The following LAG3 variants were observed in gnomAD, a reference collection of about 807,000 sequenced individuals.
LAG3 encodes the protein lymphocyte activating 3, also known as lymphocyte activation gene 3 protein.
LAG3 carries 29 observed loss-of-function variants against 49.0 expected under a neutral mutation model. That is an observed-to-expected ratio of 0.59 (90% CI 0.44 to 0.81). The LOEUF (loss-of-function observed/expected upper bound fraction) is 0.81, where lower values mean the gene tolerates loss of function less well. Among genes scored for constraint, LAG3 ranks in the 30% least tolerant of loss-of-function variants. LAG3 has a pLI of 0.00. For missense variants in LAG3, 693 were observed against 695.2 expected (o/e 1.00, Z 0.04); for synonymous variants, 320 against 297.3 (o/e 1.08, Z -0.79).
chr12:6,775,218 A>G, intron 4 of LAG3, 55 bp from the exon 5 acceptor site: 1 of 1,558,038 alleles, frequency 6.4e-7, no homozygotes, highest in Non-Finnish European at 8.7e-7. Flanking sequence ...CAGCCCCAGC[A>G]CTCCCTCCCC....
intron 3 of LAG3, among the ~76,000 whole-genome samples, chr12:6,774,348 C>G (rs895427557): frequency 3.3e-5 from 5 of 152,170 alleles, no homozygotes; most frequent in African/African-American, 1.2e-4. Flanking sequence ...GCCAGGAAAA[C>G]GGCAAGGGTG....
Position 6,772,688 on chromosome 12 carries a change from C to T in LAG3, c.-165C>T. The T allele has an allele frequency of 1.7e-6, 1 of 589,290 alleles. No homozygotes were observed. Among genetic ancestry groups the T allele is most frequent in the Non-Finnish European group, 3.0e-6 (1 of 334,424 alleles). 36.5% of individuals were successfully genotyped at this position (589,290 alleles called of 1,614,324 possible). ...GATTCCGGCCTCTGGTCATCCCTCC[C>T]CACCCTCTCTCCAAGGCCCTCTCCT... On this transcript the variant is annotated 5_prime_UTR_variant, in exon 1 of 8. Transcript: ENST00000203629.
rs139612976 is a variant in LAG3 at position 6,773,223 on chromosome 12, G to A, written c.90G>A (p.Pro30=). 6.2e-6 allele frequency: 10 copies of A among 1,612,166 alleles called. No individual in the cohort carries two copies. Among genetic ancestry groups the A allele is most frequent in the African/African-American group, 2.7e-5 (2 of 74,760 alleles). The part of the protein sequence containing the change: ...VKPLQPGAEV[P]VVWAQEGAPA... ...CTCTCCAGCCAGGGGCTGAGGTCCCGGTGGTGTGGGCCCAGGAGGGGGCTC... is the reference window on the plus strand; with the variant it reads ...CTCTCCAGCCAGGGGCTGAGGTCCCAGTGGTGTGGGCCCAGGAGGGGGCTC... The change falls in exon 2 of 8, where the codon CCG becomes CCA. Residue 30 remains proline, a synonymous_variant. Coordinates refer to ENST00000203629, the MANE Select transcript of LAG3 (RefSeq NM_002286.6). This position sits in a 1 kb window ranked among gnomAD's most constrained non-coding sequence, Gnocchi z 5.5.
At chr12:6,775,569 G>T (rs369588425) in intron 5 of LAG3, 21 bp downstream of exon 5, 6 of 1,611,604 alleles carry the variant, frequency 3.7e-6, no homozygotes, top group Non-Finnish European at 5.1e-6. Flanking sequence ...GGTGGGAAAG[G>T]AGTAGCTGCC....
chr12:6,773,223 G>C lies in LAG3; in HGVS notation c.90G>C (p.Pro30=). The change falls in exon 2 of 8, where the codon CCG becomes CCC. Residue 30 remains proline (P), a synonymous_variant. Coordinates refer to ENST00000203629, the MANE Select transcript of LAG3 (RefSeq NM_002286.6). The surrounding 1 kb of genome is among the most constrained non-coding windows in gnomAD (Gnocchi z 5.5). Reference sequence around the variant, plus strand: ...CTCTCCAGCCAGGGGCTGAGGTCCCGGTGGTGTGGGCCCAGGAGGGGGCTC... The same window carrying C: ...CTCTCCAGCCAGGGGCTGAGGTCCCCGTGGTGTGGGCCCAGGAGGGGGCTC... ...VKPLQPGAEV[P]VVWAQEGAPA... is the part of the protein sequence containing the mutation. The C allele has an allele frequency of 6.2e-6, 10 of 1,612,282 alleles. No homozygotes were observed. Among genetic ancestry groups the C allele is most frequent in the East Asian group, 2.2e-5 (1 of 44,830 alleles).
rs1340797126 is a variant in LAG3, at chr12:6,775,297, C to T, written c.806C>T (p.Thr269Ile). The change falls in exon 5 of 8, where the codon ACA (threonine) becomes ATA (isoleucine). Residue 269 changes from threonine to isoleucine, a missense_variant. By Grantham distance (89) the Thr-to-Ile change is moderately conservative (BLOSUM62 -1). Transcript: ENST00000203629. ...VLGLEPPTPL[T>I]VYAGAGSRVG... ...GGTCTGGAGCCCCCAACTCCCTTGA[C>T]AGTGTACGCTGGAGCAGGTTCCAGG... The T allele has an allele frequency of 1.2e-6, 2 of 1,614,056 alleles. No individual in the cohort carries two copies. Among genetic ancestry groups the T allele is most frequent in the African/African-American group, 2.7e-5 (2 of 74,936 alleles).
intron 5 of LAG3, 142 bp downstream of exon 5, chr12:6,775,690 C>G: frequency 1.3e-6 from 1 of 753,206 alleles, no homozygotes; most frequent in Non-Finnish European, 2.1e-6. Flanking sequence ...CCCATCTCGG[C>G]CCCCACTTTT....
chr12:6,773,862 G>A lies in LAG3; in HGVS notation c.372G>A (p.Glu124=), dbSNP rs1478531989. Reference sequence around the variant, plus strand: ...TGCAGCCCCGCGTCCAGCTGGATGAGCGCGGCCGGCAGCGCGGGGACTTCT... The same window carrying A: ...TGCAGCCCCGCGTCCAGCTGGATGAACGCGGCCGGCAGCGCGGGGACTTCT... ...LPLQPRVQLD[E]RGRQRGDFSL... is the part of the protein sequence containing the mutation. The change falls in exon 3 of 8, where the codon GAG becomes GAA. Residue 124 remains glutamate (E), a synonymous_variant. Coordinates refer to ENST00000203629, the MANE Select transcript of LAG3 (RefSeq NM_002286.6). This position sits in a 1 kb window ranked among gnomAD's most constrained non-coding sequence, Gnocchi z 5.5. 1.1e-5 allele frequency: 15 copies of A among 1,404,184 alleles called. No homozygotes were observed. Among genetic ancestry groups the A allele is most frequent in the Non-Finnish European group, 1.4e-5 (15 of 1,086,980 alleles). The allele number at this position is 1,404,184 out of a possible 1,614,324, so 87.0% of individuals were successfully genotyped here.
intron 7 of LAG3, 44 bp from the exon 8 acceptor site, chr12:6,778,200 C>T: frequency 6.5e-7 from 1 of 1,529,960 alleles, no homozygotes; most frequent in Non-Finnish European, 8.9e-7. Flanking sequence ...CTTCATCCTT[C>T]TCCTCCTTCC....
chr12:6,774,703 G>T lies in LAG3; in HGVS notation c.620G>T (p.Gly207Val), dbSNP rs900193375. 1 of 1,614,134 alleles carries T rather than the reference G, an allele frequency of 6.2e-7. No individual in the cohort carries two copies. The highest frequency in any genetic ancestry group is 8.5e-7 in the Non-Finnish European group (1 of 1,180,018). The change falls in exon 4 of 8, where the codon GGC becomes GTC. Residue 207 changes from glycine (G) to valine (V), a missense_variant. Gly to Val is a moderately radical substitution (Grantham distance 109, BLOSUM62 -3). Transcript: ENST00000203629. ...TCTGTGCATTGGTTCCGGAACCGGGGCCAGGGCCGAGTCCCTGTCCGGGAG... is the reference window on the plus strand; with the variant it reads ...TCTGTGCATTGGTTCCGGAACCGGGTCCAGGGCCGAGTCCCTGTCCGGGAG... ...PASVHWFRNR[G>V]QGRVPVRESP...
chr12:6,775,232 G>A (rs779021523), intron 4 of LAG3, 41 bp from the exon 5 acceptor site: 2 of 1,591,004 alleles, frequency 1.3e-6, no homozygotes, highest in Admixed American at 1.7e-5. Flanking sequence ...CCTCCCCACT[G>A]CAGCACCCAG....
Position 6,777,423 on chromosome 12 carries a change from T to C in LAG3, c.1217T>C (p.Leu406Pro). The change falls in exon 6 of 8, where the codon CTT (leucine) becomes CCT (proline). Residue 406 changes from leucine (L) to proline (P), a missense_variant. Coordinates refer to ENST00000203629, the MANE Select transcript of LAG3 (RefSeq NM_002286.6). ...CTGGAGGCACAGGAGGCCCAGCTCC[T>C]TTCCCAGCCTTGGCAATGCCAGCTG... ...PWLEAQEAQL[L>P]SQPWQCQLYQ... The C allele has an allele frequency of 6.2e-7, 1 of 1,614,200 alleles. No individual in the cohort carries two copies. The highest frequency in any genetic ancestry group is 8.5e-7 in the Non-Finnish European group (1 of 1,180,024).
rs766111379 is a variant in LAG3 at position 6,775,568 on chromosome 12, G to A, written c.1057+20G>A. ...TCACAGGTCAGCCTCAGGTGGGAAA[G>A]GAGTAGCTGCCCTCCCAGGGTAGAA... On this transcript the variant is annotated intron_variant, in intron 5 of 7. Transcript: ENST00000203629. 1.8e-5 allele frequency: 29 copies of A among 1,611,772 alleles called. No individual in the cohort carries two copies. In the Admixed American group the frequency reaches 3.2e-4, roughly 18 times the overall value.
At position 6,773,593 on chromosome 12, in the gene LAG3, AGAACTCTTGGGGC is replaced by A. The variant is rs1941867636; in HGVS notation, c.207-102_207-90del. 1.5e-6 allele frequency: 2 copies of A among 1,305,562 alleles called. No homozygotes were observed. The highest frequency in any genetic ancestry group is 2.0e-6 in the Non-Finnish European group (2 of 1,017,340). The allele number at this position is 1,305,562 out of a possible 1,614,324, so 80.9% of individuals were successfully genotyped here. A position where few individuals can be genotyped will look rare whatever the true frequency, so the allele number is the denominator to read the frequency against. ...CGTGAGGGGACGGTTGGTGGTCAAG[AGAACTCTTGGGGC>A]GGGCTTTCTCATCCTCAACGGGTGG... On this transcript the variant is annotated intron_variant, in intron 2 of 7. Transcript: ENST00000203629. The surrounding 1 kb of genome is among the most constrained non-coding windows in gnomAD (Gnocchi z 5.5).
In LAG3 at chr12:6,773,963, T is replaced by C; in HGVS notation, c.473T>C (p.Leu158Pro). The C allele has an allele frequency of 6.9e-7, 1 of 1,439,494 alleles. No homozygotes were observed. Among genetic ancestry groups the C allele is most frequent in the Non-Finnish European group, 9.0e-7 (1 of 1,105,102 alleles). 89.2% of individuals were successfully genotyped at this position (1,439,494 alleles called of 1,614,324 possible). A position where few individuals can be genotyped will look rare whatever the true frequency, so the allele number is the denominator to read the frequency against. The part of the protein sequence containing the change: ...RAAVHLRDRA[L>P]SCRLRLRLGQ... Reference sequence around the variant, plus strand: ...GCGGTGCACCTCAGGGACCGCGCCCTCTCCTGCCGCCTCCGTCTGCGCCTG... The same window carrying C: ...GCGGTGCACCTCAGGGACCGCGCCCCCTCCTGCCGCCTCCGTCTGCGCCTG... Residue 158 changes from leucine (L) to proline (P), a missense_variant, in exon 3 of 8, where the codon CTC becomes CCC. Leu to Pro is a moderately conservative substitution (Grantham distance 98, BLOSUM62 -3). Coordinates refer to ENST00000203629, the MANE Select transcript of LAG3 (RefSeq NM_002286.6). The surrounding 1 kb of genome is among the most constrained non-coding windows in gnomAD (Gnocchi z 5.5).
In LAG3 at chr12:6,777,952, C is replaced by A. The variant is rs141440376; in HGVS notation, c.1431+31C>A. ...CCAGGGACATGGCAACCCCGCCCCC[C>A]AGCAGCTCCCGCTCTTCCATCCTCA... On this transcript the variant is annotated intron_variant, in intron 7 of 7. Coordinates refer to ENST00000203629, the MANE Select transcript of LAG3 (RefSeq NM_002286.6). 9.3e-4 allele frequency: 1,502 copies of A among 1,610,798 alleles called. 15 individuals carry two copies. The African/African-American group carries it at 0.018, about 19-fold the overall frequency.
chr12:6,777,550 A>T, intron 6 of LAG3, 44 bp downstream of exon 6: 1 of 1,599,018 alleles, frequency 6.3e-7, no homozygotes, highest in Non-Finnish European at 8.5e-7. Context: ...CACAGCAATA[A>T]TCTTTATCCT....
Position 6,773,655 on chromosome 12 carries a change from C to T in LAG3, c.207-42C>T. 7.3e-7 allele frequency: 1 copy of T among 1,362,546 alleles called. No homozygotes were observed. Among genetic ancestry groups the T allele is most frequent in the Non-Finnish European group, 9.4e-7 (1 of 1,065,750 alleles). The allele number at this position is 1,362,546 out of a possible 1,614,324, so 84.4% of individuals were successfully genotyped here. ...GGCTGCCTGCATCCTCCCGGGCTTCCTACCCCTGGAGCTTCTCAACTCCAT... is the reference window on the plus strand; with the variant it reads ...GGCTGCCTGCATCCTCCCGGGCTTCTTACCCCTGGAGCTTCTCAACTCCAT... On this transcript the variant is annotated intron_variant, in intron 2 of 7. Coordinates refer to ENST00000203629, the MANE Select transcript of LAG3 (RefSeq NM_002286.6). This position sits in a 1 kb window ranked among gnomAD's most constrained non-coding sequence, Gnocchi z 5.5.
In LAG3 at chr12:6,778,327, ACCGGAG is replaced by A. The variant is rs753452395; in HGVS notation, c.1533_1538del (p.Pro522_Glu523del). 23 of 1,613,186 alleles carry A rather than the reference ACCGGAG, an allele frequency of 1.4e-5. No homozygotes were observed. The highest frequency in any genetic ancestry group is 4.0e-5 in the African/African-American group (3 of 74,824). ...GCAAGATAGAGGAGCTGGAGCAAGA[ACCGGAG>A]CCGGAGCCGGAGCCGGAACCGGAGC... On this transcript the variant is annotated inframe_deletion, in exon 8 of 8. Transcript: ENST00000203629.
Sources: allele counts gnomAD v4.1 joint callset (sites outside exome capture counted in the v4.1 genomes callset), GRCh38; gene constraint gnomAD v4.1.1; non-coding constraint Gnocchi (gnomAD v3.1); transcripts MANE v1.5; gene names NCBI Gene and HGNC (gene_info 2026-07-23, HGNC 2026-07-21).